The following HNRNPU variants were observed in gnomAD, a reference collection of about 807,000 sequenced individuals.
HNRNPU encodes the protein heterogeneous nuclear ribonucleoprotein U.
In HNRNPU, 5 loss-of-function variants were observed where a neutral mutation model predicts 94.7. The observed-to-expected ratio is 0.05, with a 90% CI of 0.03 to 0.11. The LOEUF (loss-of-function observed/expected upper bound fraction) is 0.11. HNRNPU is among the 10% of genes least tolerant of loss of function. HNRNPU has a pLI of 1.00. For synonymous variants in HNRNPU, 434 were observed against 381.6 expected (o/e 1.14, Z -1.60); for missense variants, 710 against 1,049.2 (o/e 0.68, Z 4.47).
In HNRNPU at chr1:244,863,972, G is replaced by C. The variant is rs753169165; in HGVS notation, c.336C>G (p.Ala112=). The stretch of plus-strand genomic sequence containing the variant: ...TCGGGCCCGAGTCGGCCGCCCCCGC[G>C]GCCCCGTTCTCCTCTCCTAGCTCCA... ...DQMELGEENG[A]AGAADSGPME... Residue 112 remains alanine (A), a synonymous_variant, in exon 1 of 14, where the codon GCC becomes GCG. Coordinates refer to ENST00000640218, the MANE Select transcript of HNRNPU (RefSeq NM_031844.3). 2.5e-6 allele frequency: 4 copies of C among 1,613,548 alleles called. No homozygotes were observed. The African/African-American group carries it at 5.3e-5, about 22-fold the overall frequency.
chr1:244,854,916 A>C, intron 13 of HNRNPU, 57 bp downstream of exon 13: 1 of 1,313,978 alleles, frequency 7.6e-7, no homozygotes. Context: ...AAGACTGATA[A>C]ATCTTAGGAA....
In HNRNPU at chr1:244,854,205, C is replaced by A; in HGVS notation, c.*245G>T. 1.5e-5 allele frequency: 6 copies of A among 398,598 alleles called. No homozygotes were observed. Among genetic ancestry groups the A allele is most frequent in the South Asian group, 8.2e-5 (2 of 24,350 alleles). The allele number at this position is 398,598 out of a possible 1,614,324, so 24.7% of individuals were successfully genotyped here. A position where few individuals can be genotyped will look rare whatever the true frequency, so the allele number is the denominator to read the frequency against. ...ACATTTTACAGATAAAATGTAGAAC[C>A]CTGAAATACTGACACATTCTCTTAT... is the stretch of plus-strand genomic sequence containing the variant. On this transcript the variant is annotated 3_prime_UTR_variant, in exon 14 of 14. Transcript: ENST00000640218.
intron 13 of HNRNPU, chr1:244,854,764 CT>C: frequency 2.0e-6 from 1 of 503,038 alleles, no homozygotes; most frequent in East Asian, 3.1e-5. Context: ...AATAATATTA[CT>C]TTATTAAAAA....
intron 5 of HNRNPU, 55 bp from the exon 6 acceptor site, chr1:244,858,896 A>G: frequency 1.2e-6 from 1 of 842,042 alleles, no homozygotes; most frequent in South Asian, 1.5e-5. Flanking sequence ...CCAAAGACTC[A>G]TCTATTTTAC....
At chr1:244,857,415 T>C in intron 8 of HNRNPU, 183 bp downstream of exon 8, 1 of 576,506 alleles carries the variant, frequency 1.7e-6, no homozygotes, top group Non-Finnish European at 3.0e-6. Flanking sequence ...CCCAGCTAAT[T>C]TTTAAATTTT....
intron 3 of HNRNPU, chr1:244,861,384 C>T (rs1025046954): frequency 6.6e-6 from 1 of 152,328 alleles, no homozygotes; most frequent in African/African-American, 2.4e-5. Flanking sequence ...CACCACTTCA[C>T]TACCTTGCCA....
intron 8 of HNRNPU, chr1:244,857,252 T>C (rs917063527): frequency 1.8e-5 from 4 of 217,204 alleles, no homozygotes; most frequent in Admixed American, 5.5e-5. Flanking sequence ...CTTTTCTTTT[T>C]TTTTTTTTTC....
At position 244,858,698 on chromosome 1, in the gene HNRNPU, A is replaced by G. The variant is rs569698287; in HGVS notation, c.1230+31T>C. On this transcript the variant is annotated intron_variant, in intron 6 of 13. Coordinates refer to ENST00000640218, the MANE Select transcript of HNRNPU (RefSeq NM_031844.3). ...CCTAGATATAGCTACTAACTTTGCC[A>G]TTTATACATAGAAAGTTAGCTTTAA... 3.5e-5 allele frequency: 43 copies of G among 1,223,894 alleles called. No individual in the cohort carries two copies. The East Asian group carries it at 9.8e-4, about 28-fold the overall frequency. 75.8% of individuals were successfully genotyped at this position (1,223,894 alleles called of 1,614,324 possible).
intron 13 of HNRNPU, chr1:244,854,756 TA>T (rs1680634809): frequency 2.0e-6 from 1 of 504,922 alleles, no homozygotes; most frequent in African/African-American, 2.0e-5. Flanking sequence ...ATATATTAAA[TA>T]ATATTACTTT....
At chr1:244,856,955 T>C (rs1017685365) in intron 8 of HNRNPU, 99 bp from the exon 9 acceptor site, 2 of 986,368 alleles carry the variant, frequency 2.0e-6, no homozygotes, top group African/African-American at 3.3e-5. Flanking sequence ...CAGGCAACAT[T>C]TTATAATTTA....
At position 244,854,865 on chromosome 1, in the gene HNRNPU, AAC is replaced by A. The variant is rs537718588; in HGVS notation, c.2424+106_2424+107del. On this transcript the variant is annotated intron_variant, in intron 13 of 13. Coordinates refer to ENST00000640218, the MANE Select transcript of HNRNPU (RefSeq NM_031844.3). ...AAGACGATTCACACTTTACCCTATT[AAC>A]ACTTATAAACACTTCAATCCCTGAA... is the stretch of plus-strand genomic sequence containing the variant. 2.0e-4 allele frequency: 180 copies of A among 922,614 alleles called. 1 individual carries two copies. The highest frequency in any genetic ancestry group is 2.7e-4 in the Non-Finnish European group (153 of 568,388). The allele number at this position is 922,614 out of a possible 1,614,324, so 57.2% of individuals were successfully genotyped here. A position where few individuals can be genotyped will look rare whatever the true frequency, so the allele number is the denominator to read the frequency against.
Position 244,864,013 on chromosome 1 carries a change from G to C in HNRNPU, c.295C>G (p.Leu99Val). The change falls in exon 1 of 14, where the codon CTG (leucine) becomes GTG (valine). Residue 99 changes from leucine to valine, a missense_variant. Transcript: ENST00000640218. ...EEEEEEGISALDGDQMELGEE... is the reference protein window; with the variant it reads ...EEEEEEGISAVDGDQMELGEE... ...CCTAGCTCCATCTGGTCGCCGTCCA[G>C]AGCGGAGATTCCTTCCTCCTCCTCT... The C allele has an allele frequency of 6.2e-7, 1 of 1,613,218 alleles. No homozygotes were observed. Among genetic ancestry groups the C allele is most frequent in the Non-Finnish European group, 8.5e-7 (1 of 1,179,750 alleles).
rs1573333151 is a variant in HNRNPU, at chr1:244,859,537, T to G, written c.1018-163A>C. Reference sequence around the variant, plus strand: ...TATTTGTAAGAACTTTAAACTGATGTGCTTATAACTTGAAATTTAAAGAGT... The same window carrying G: ...TATTTGTAAGAACTTTAAACTGATGGGCTTATAACTTGAAATTTAAAGAGT... On this transcript the variant is annotated intron_variant, in intron 4 of 13. Transcript: ENST00000640218. 10 of 442,354 alleles carry G rather than the reference T, an allele frequency of 2.3e-5. No homozygotes were observed. The South Asian group carries it at 2.9e-4, about 13-fold the overall frequency. The allele number at this position is 442,354 out of a possible 1,614,324, so 27.4% of individuals were successfully genotyped here. A position where few individuals can be genotyped will look rare whatever the true frequency, so the allele number is the denominator to read the frequency against.
rs1018228613 is a variant in HNRNPU at position 244,851,260 on chromosome 1, T to A, written c.*3190A>T. ...TGCCTCTCTGTTTATTCTAGTTTTT[T>A]AAAAATCAAATATACAAGATCTACA... On this transcript the variant is annotated 3_prime_UTR_variant, in exon 14 of 14. Transcript: ENST00000640218. 7 of 152,182 alleles carry A rather than the reference T, an allele frequency of 4.6e-5. No individual in the cohort carries two copies. The highest frequency in any genetic ancestry group is 1.4e-4 in the African/African-American group (6 of 41,446). The allele number at this position is 152,182 out of a possible 1,614,324, so 9.4% of individuals were successfully genotyped here. A position where few individuals can be genotyped will look rare whatever the true frequency, so the allele number is the denominator to read the frequency against.
Position 244,851,878 on chromosome 1 carries a change from T to C in HNRNPU, c.*2572A>G, listed in dbSNP as rs779462567. 3.3e-5 allele frequency: 5 copies of C among 152,228 alleles called. No individual in the cohort carries two copies. The highest frequency in any genetic ancestry group is 5.9e-5 in the Non-Finnish European group (4 of 68,050). 9.4% of individuals were successfully genotyped at this position (152,228 alleles called of 1,614,324 possible). On this transcript the variant is annotated 3_prime_UTR_variant, in exon 14 of 14. Coordinates refer to ENST00000640218, the MANE Select transcript of HNRNPU (RefSeq NM_031844.3). ...TCTCATAGCTATCTCATAGCAGTTT[T>C]AGTTTTCTCAAATTCTATGCTGTTT...
Position 244,858,027 on chromosome 1 carries a change from T to C in HNRNPU, c.1478A>G (p.Glu493Gly). The change falls in exon 7 of 14, where the codon GAG becomes GGG. Residue 493 changes from glutamate (E) to glycine (G), a missense_variant. Physicochemically the swap from Glu to Gly is moderately conservative, Grantham distance 98. Transcript: ENST00000640218. ...ATCCCTTACTTCACAATCTTTCTTC[T>C]CTTCAGGCCCCTTTGGTCCTCTAAC... ...DRVRGPKGPE[E>G]KKDCEVVMMI... The C allele has an allele frequency of 6.3e-7, 1 of 1,589,032 alleles. No individual in the cohort carries two copies. The highest frequency in any genetic ancestry group is 8.5e-7 in the Non-Finnish European group (1 of 1,172,042).
intron 1 of HNRNPU, among the ~76,000 whole-genome samples, chr1:244,863,345 T>G (rs1680899020): frequency 6.9e-6 from 1 of 145,090 alleles, no homozygotes. Flanking sequence ...CAGCGGCAGC[T>G]GCAGCTCCCC....
chr1:244,859,743 T>C (rs1245824103), intron 4 of HNRNPU: 1 of 162,812 alleles, frequency 6.1e-6, no homozygotes, highest in East Asian at 1.8e-4. Flanking sequence ...TTGATAAAAA[T>C]GAAGTACCCT....
chr1:244,851,488 T>A lies in HNRNPU; in HGVS notation c.*2962A>T, dbSNP rs995300145. 1 of 152,182 alleles carries A rather than the reference T, an allele frequency of 6.6e-6. No individual in the cohort carries two copies. The highest frequency in any genetic ancestry group is 6.6e-5 in the Admixed American group (1 of 15,266). The allele number at this position is 152,182 out of a possible 1,614,324, so 9.4% of individuals were successfully genotyped here. On this transcript the variant is annotated 3_prime_UTR_variant, in exon 14 of 14. Coordinates refer to ENST00000640218, the MANE Select transcript of HNRNPU (RefSeq NM_031844.3). ...ATACACTCTGTTCATGAATATAAAA[T>A]CCCCAGGTGAAAGTCCCTTAAAACA...
Sources: gnomAD v4.1 joint callset for allele counts (sites outside exome capture counted in the v4.1 genomes callset) on GRCh38, gnomAD v4.1.1 for gene constraint, MANE v1.5 for transcripts, NCBI Gene and HGNC (gene_info 2026-07-23, HGNC 2026-07-21) for gene names.